Variants in PLEC observed in about 807,000 individuals in gnomAD.
PLEC encodes hemidesmosomal protein 1.
PLEC carries 216 observed loss-of-function variants against 392.8 expected under a neutral mutation model. The observed-to-expected ratio is 0.55, with a 90% CI of 0.49 to 0.62. PLEC has a LOEUF of 0.62. Ranked by LOEUF, PLEC falls within the 20% of genes least tolerant of loss-of-function variation. PLEC has a pLI of 0.00. For missense variants in PLEC, 6,863 were observed against 6,563.4 expected (o/e 1.05, Z -1.58); for synonymous variants, 3,621 against 2,980.6 (o/e 1.21, Z -7.00).
chr8:143,945,500 CCT>C (rs782090940), intron 1 of PLEC, among the ~76,000 whole-genome samples: 8 of 152,202 alleles, frequency 5.3e-5, no homozygotes, highest in Non-Finnish European at 7.4e-5. Context: ...TCCTGGGACC[CCT>C]GTCTGCTGGG....
In PLEC at chr8:143,918,310, C is replaced by G. The variant is rs782391224; in HGVS notation, c.11511G>C (p.Leu3837=). The G allele has an allele frequency of 1.3e-5, 21 of 1,590,876 alleles. No individual in the cohort carries two copies. The highest frequency in any genetic ancestry group is 1.2e-4 in the African/African-American group (9 of 74,824). Residue 3837 remains leucine, a synonymous_variant, in exon 32 of 32, where the codon CTG becomes CTC. Coordinates refer to ENST00000345136, the MANE Select transcript of PLEC (RefSeq NM_201384.3). ...GYLNKDTHDQ[L]SEPSEVRSYV... is the part of the protein sequence containing the mutation. ...AGCTGCGCACCTCGCTGGGCTCTGACAGCTGGTCGTGCGTGTCCTTGTTGA... is the reference window on the plus strand; with the variant it reads ...AGCTGCGCACCTCGCTGGGCTCTGAGAGCTGGTCGTGCGTGTCCTTGTTGA...
rs782675540 is a variant in PLEC at position 143,918,819 on chromosome 8, C to T, written c.11002G>A (p.Glu3668Lys). 2.5e-6 allele frequency: 4 copies of T among 1,613,122 alleles called. No individual in the cohort carries two copies. The highest frequency in any genetic ancestry group is 2.7e-5 in the African/African-American group (2 of 74,948). Residue 3668 changes from glutamate to lysine, a missense_variant, in exon 32 of 32, where the codon GAG (glutamate) becomes AAG (lysine). Physicochemically the swap from Glu to Lys is moderately conservative, Grantham distance 56. Transcript: ENST00000345136. ...GCCTCACGGAGGCTCCTGGTGCCCT[C>T]CCGGAGCAGGTTGTAGGTCTCGAGA... ...ISLETYNLLREGTRSLREALE... is the reference protein window; with the variant it reads ...ISLETYNLLRKGTRSLREALE...
rs375101631 is a variant in PLEC at position 143,920,007 on chromosome 8, G to T, written c.9814C>A (p.Arg3272Ser). The change falls in exon 32 of 32, where the codon CGT becomes AGT. Residue 3272 changes from arginine to serine, a missense_variant. Coordinates refer to ENST00000345136, the MANE Select transcript of PLEC (RefSeq NM_201384.3). Reference protein sequence around the residue: ...FTAEQRQELLRQFRTGKVTVE... With the variant: ...FTAEQRQELLSQFRTGKVTVE... ...GTGACCTTGCCCGTGCGGAACTGAC[G>T]CAACAGCTCCTGCCGCTGCTCCGCA... The T allele has an allele frequency of 6.2e-7, 1 of 1,613,232 alleles. No homozygotes were observed. The highest frequency in any genetic ancestry group is 8.5e-7 in the Non-Finnish European group (1 of 1,180,026).
intron 30 of PLEC, 63 bp downstream of exon 30, chr8:143,926,721 G>T: frequency 7.4e-7 from 1 of 1,345,070 alleles, no homozygotes. Flanking sequence ...CTGTGGCTGT[G>T]TGTGGGACAC....
In PLEC at chr8:143,918,495, T is replaced by C. The variant is rs1554675441; in HGVS notation, c.11326A>G (p.Thr3776Ala). The C allele has an allele frequency of 3.7e-6, 6 of 1,602,872 alleles. No individual in the cohort carries two copies. The highest frequency in any genetic ancestry group is 3.4e-6 in the Non-Finnish European group (4 of 1,176,018). Reference protein sequence around the residue: ...RAVTGYRDPYTEQTISLFQAM... With the variant: ...RAVTGYRDPYAEQTISLFQAM... ...TGGAAGAGCGAGATGGTCTGCTCGG[T>C]GTAGGGGTCACGGTAGCCGGTGACC... Residue 3776 changes from threonine (T) to alanine (A), a missense_variant, in exon 32 of 32, where the codon ACC becomes GCC. By Grantham distance (58) the Thr-to-Ala change is moderately conservative. Coordinates refer to ENST00000345136, the MANE Select transcript of PLEC (RefSeq NM_201384.3).
rs114576360 is a variant in PLEC, at chr8:143,934,233, G to A, written c.1169+85C>T. The A allele has an allele frequency of 7.8e-4, 1,246 of 1,594,392 alleles. 10 individuals are homozygous for A. In the African/African-American group the frequency reaches 0.013, roughly 17 times the overall value. The stretch of plus-strand genomic sequence containing the variant: ...GAGTGGGAGCTTGGGTTCCCCCGCC[G>A]GGGGCGGGGCGGGGAGGGGGGTTTC... On this transcript the variant is annotated intron_variant, in intron 11 of 31. Coordinates refer to ENST00000345136, the MANE Select transcript of PLEC (RefSeq NM_201384.3).
chr8:143,929,717 C>A lies in PLEC; in HGVS notation c.2852G>T (p.Arg951Leu). 6.3e-7 allele frequency: 1 copy of A among 1,599,876 alleles called. No individual in the cohort carries two copies. The highest frequency in any genetic ancestry group is 2.2e-5 in the East Asian group (1 of 44,806). The change falls in exon 23 of 32, where the codon CGG (arginine) becomes CTG (leucine). Residue 951 changes from arginine (R) to leucine (L), a missense_variant. Coordinates refer to ENST00000345136, the MANE Select transcript of PLEC (RefSeq NM_201384.3). The stretch of plus-strand genomic sequence containing the variant: ...GCCGTACTCGCGCTCAGCCATCAGC[C>A]GGTCCTCGGGTCCGAAGCCGCCCGC... ...QDAGGFGPED[R>L]LMAEREYGSC...
At chr8:143,939,227 C>G in intron 1 of PLEC, 123 bp downstream of exon 1, 2 of 1,348,722 alleles carry the variant, frequency 1.5e-6, no homozygotes, top group Non-Finnish European at 2.0e-6. Flanking sequence ...TGGCTGGCCC[C>G]CGACCCCCAT....
At chr8:143,967,226 G>GCA (rs1554742541) in intron 1 of PLEC, among the ~76,000 whole-genome samples, 2 of 151,954 alleles carry the variant, frequency 1.3e-5, no homozygotes, top group Non-Finnish European at 2.9e-5. Flanking sequence ...AGCTGGGCAT[G>GCA]GTGGCGGGCG....
chr8:143,936,908 G>A (rs1289846321), intron 5 of PLEC, 71 bp downstream of exon 5: 38 of 1,236,070 alleles, frequency 3.1e-5, no homozygotes, highest in African/African-American at 2.1e-4. Context: ...GGATCAACCC[G>A]CCAGCCAAGG....
Position 143,927,519 on chromosome 8 carries a change from G to A in PLEC, c.3647C>T (p.Ala1216Val). Residue 1216 changes from alanine to valine, a missense_variant, in exon 27 of 32, where the codon GCA becomes GTA. Transcript: ENST00000345136. Reference protein sequence around the residue: ...GRQLRYYRESADPLGAWLQDA... With the variant: ...GRQLRYYRESVDPLGAWLQDA... ...CTGCAGCCAGGCGCCCAAGGGGTCT[G>A]CACTCTCGCGGTAGTAACGCAGCTG... The A allele has an allele frequency of 1.3e-6, 2 of 1,597,466 alleles. No homozygotes were observed. Among genetic ancestry groups the A allele is most frequent in the Non-Finnish European group, 1.7e-6 (2 of 1,179,014 alleles).
In PLEC at chr8:143,922,066, C is replaced by T; in HGVS notation, c.7755G>A (p.Glu2585=). ...GCCTCTGGTTCTCCTCAGCCAGCAG[C>T]TCCTCCTGCTGCCGCCGCTGCTGCT... The part of the protein sequence containing the change: ...QLEQQRRQQE[E]LLAEENQRLR... Residue 2585 remains glutamate, a synonymous_variant, in exon 32 of 32, where the codon GAG becomes GAA. Transcript: ENST00000345136. The T allele has an allele frequency of 6.3e-7, 1 of 1,586,844 alleles. No homozygotes were observed. The highest frequency in any genetic ancestry group is 8.5e-7 in the Non-Finnish European group (1 of 1,174,564).
upstream of PLEC, among the ~76,000 whole-genome samples, chr8:143,952,105 C>A (rs1832216009): frequency 6.6e-6 from 1 of 152,122 alleles, no homozygotes; most frequent in African/African-American, 2.4e-5. Context: ...TGGCCAGCAG[C>A]CGGCAGGCGG....
chr8:143,917,594 A>G lies in PLEC; in HGVS notation c.12227T>C (p.Met4076Thr), dbSNP rs782507210. Residue 4076 changes from methionine (M) to threonine (T), a missense_variant, in exon 32 of 32, where the codon ATG becomes ACG. Transcript: ENST00000345136. ...AYKRGLFDEE[M>T]NEILTDPSDD... ...CGAGGGGTCGGTCAGGATCTCGTTC[A>G]TCTCCTCATCGAAGAGGCCGCGCTT... 1.2e-6 allele frequency: 2 copies of G among 1,613,630 alleles called. No individual in the cohort carries two copies. The highest frequency in any genetic ancestry group is 1.7e-6 in the Non-Finnish European group (2 of 1,180,002).
chr8:143,959,810 C>T (rs1470629865), intron 1 of PLEC, among the ~76,000 whole-genome samples: 1 of 150,100 alleles, frequency 6.7e-6, no homozygotes, highest in Non-Finnish European at 1.5e-5. Context: ...TCCTGGCTAA[C>T]ACAGTGAAAC....
At chr8:143,962,760 G>A (rs782065521) in intron 1 of PLEC, among the ~76,000 whole-genome samples, 1 of 152,194 alleles carries the variant, frequency 6.6e-6, no homozygotes. Context: ...CAATGAACTT[G>A]GATATTTAGC....
At chr8:143,974,750 G>A (rs1312277132), upstream of PLEC, among the ~76,000 whole-genome samples, 6 of 152,198 alleles carry the variant, frequency 3.9e-5, no homozygotes, top group Non-Finnish European at 7.4e-5. The surrounding 1 kb of genome is among the most constrained non-coding windows in gnomAD (Gnocchi z 5.9). Flanking sequence ...CCTGGATGGG[G>A]AGCTACTGGA....
At chr8:143,926,038 C>A (rs1464248310) in intron 30 of PLEC, among the ~76,000 whole-genome samples, 154 bp from the exon 31 acceptor site, 1 of 152,250 alleles carries the variant, frequency 6.6e-6, no homozygotes, top group East Asian at 1.9e-4. Flanking sequence ...CAGCGTGCAC[C>A]CGCCCAGGGC....
Position 143,923,281 on chromosome 8 carries a change from G to A in PLEC, c.6648C>T (p.Ala2216=). The part of the protein sequence containing the change: ...DEELQRLKAE[A]TEAARQRSQV... ...GGCTGCGCTGGCGTGCGGCCTCCGT[G>A]GCCTCCGCCTTCAGCCGCTGCAGCT... The change falls in exon 31 of 32, where the codon GCC becomes GCT. Residue 2216 remains alanine, a synonymous_variant. Transcript: ENST00000345136. 6.2e-7 allele frequency: 1 copy of A among 1,607,550 alleles called. No homozygotes were observed. Among genetic ancestry groups the A allele is most frequent in the Non-Finnish European group, 8.5e-7 (1 of 1,179,720 alleles).
Sources: allele counts gnomAD v4.1 joint callset (sites outside exome capture counted in the v4.1 genomes callset), GRCh38; gene constraint gnomAD v4.1.1; non-coding constraint Gnocchi (gnomAD v3.1); transcripts MANE v1.5; gene names NCBI Gene and HGNC (gene_info 2026-07-23, HGNC 2026-07-21).